Variants in CAVIN1 observed in about 807,000 individuals in gnomAD.
The protein encoded by CAVIN1 is caveolae-associated protein 1.
CAVIN1 carries 16 observed loss-of-function variants against 24.0 expected under a neutral mutation model. That is an observed-to-expected ratio of 0.67 (90% CI 0.45 to 1.01). CAVIN1 has a LOEUF of 1.01. Ranked by LOEUF, CAVIN1 falls within the 50% of genes least tolerant of loss-of-function variation. CAVIN1 has a pLI of 0.00. For missense variants in CAVIN1, 510 were observed against 551.7 expected, an observed-to-expected ratio of 0.92 and a Z score of 0.76; for synonymous variants, 256 against 256.4, an observed-to-expected ratio of 1.00 and a Z score of 0.02.
At chr17:42,407,147 C>G (rs1419461072) in intron 1 of CAVIN1, among the ~76,000 whole-genome samples, 1 of 152,008 alleles carries the variant, frequency 6.6e-6, no homozygotes, top group Non-Finnish European at 1.5e-5. Context: ...CTGGATCACT[C>G]CCTCCCCCAC....
chr17:42,421,197 G>A (rs2085542968), intron 1 of CAVIN1, among the ~76,000 whole-genome samples: 3 of 152,086 alleles, frequency 2.0e-5, no homozygotes. Flanking sequence ...ATAGGTACCA[G>A]CTGACCCACC....
At chr17:42,416,041 A>G (rs2085509757) in intron 1 of CAVIN1, among the ~76,000 whole-genome samples, 1 of 152,170 alleles carries the variant, frequency 6.6e-6, no homozygotes, top group South Asian at 2.1e-4. Context: ...CAGGAATTCG[A>G]GACCAGCCTA....
At chr17:42,407,903 T>C (rs1436987883) in intron 1 of CAVIN1, among the ~76,000 whole-genome samples, 1 of 152,138 alleles carries the variant, frequency 6.6e-6, no homozygotes, top group Non-Finnish European at 1.5e-5. Flanking sequence ...TTGGGGCTCC[T>C]ACAATCACCC....
At chr17:42,414,684 A>G (rs1301950844) in intron 1 of CAVIN1, among the ~76,000 whole-genome samples, 6 of 152,074 alleles carry the variant, frequency 3.9e-5, no homozygotes, top group Non-Finnish European at 8.8e-5. Flanking sequence ...GGCGAGAGGG[A>G]CACTTGGCGG....
intron 1 of CAVIN1, among the ~76,000 whole-genome samples, chr17:42,408,972 G>T (rs1360465180): frequency 6.6e-6 from 1 of 150,518 alleles, no homozygotes; most frequent in Admixed American, 6.6e-5. Context: ...TGTATTTTTT[G>T]GTAGAGACAG....
intron 1 of CAVIN1, among the ~76,000 whole-genome samples, chr17:42,409,762 G>T (rs2085465210): frequency 6.6e-6 from 1 of 151,986 alleles, no homozygotes; most frequent in South Asian, 2.1e-4. Flanking sequence ...CACAGGCCAG[G>T]CACCCTTGTC....
At chr17:42,407,803 C>T (rs1431758077) in intron 1 of CAVIN1, among the ~76,000 whole-genome samples, 1 of 152,182 alleles carries the variant, frequency 6.6e-6, no homozygotes, top group Non-Finnish European at 1.5e-5. Context: ...TCTTATCATT[C>T]ACTGAGGCAT....
intron 1 of CAVIN1, among the ~76,000 whole-genome samples, chr17:42,413,018 G>A (rs1326296675): frequency 6.6e-6 from 1 of 150,478 alleles, no homozygotes; most frequent in African/African-American, 2.4e-5. Flanking sequence ...CGCAACCTCC[G>A]CCTCCTGGGT....
In CAVIN1 at chr17:42,422,597, C is replaced by A. The variant is rs1393528216; in HGVS notation, c.471+30G>T. The A allele has an allele frequency of 4.6e-6, 7 of 1,526,838 alleles. No homozygotes were observed. In the East Asian group the frequency reaches 1.7e-4, roughly 37 times the overall value. 94.6% of individuals were successfully genotyped at this position (1,526,838 alleles called of 1,614,324 possible). ...AGGGGACGCGGGCCGGGCGCGGGAGCTCTGGGCGCCTTCCGCCCTGTGGGC... is the reference window on the plus strand; with the variant it reads ...AGGGGACGCGGGCCGGGCGCGGGAGATCTGGGCGCCTTCCGCCCTGTGGGC... On this transcript the variant is annotated intron_variant, in intron 1 of 1. Coordinates refer to ENST00000357037, the MANE Select transcript of CAVIN1 (RefSeq NM_012232.6).
chr17:42,419,281 T>C (rs1329452729), intron 1 of CAVIN1, among the ~76,000 whole-genome samples: 2 of 151,486 alleles, frequency 1.3e-5, no homozygotes, highest in Admixed American at 6.6e-5. Context: ...CTCATCTGCA[T>C]GGCATTTTAT....
At chr17:42,411,773 T>C in intron 1 of CAVIN1, 1 of 985,370 alleles carries the variant, frequency 1.0e-6, no homozygotes, top group Non-Finnish European at 1.2e-6. Context: ...TAGGCAGCCT[T>C]CGGGTGCAGC....
intron 1 of CAVIN1, among the ~76,000 whole-genome samples, chr17:42,406,386 T>C (rs1309377680): frequency 6.6e-6 from 1 of 151,728 alleles, no homozygotes; most frequent in Non-Finnish European, 1.5e-5. Flanking sequence ...TTTTTTTTTT[T>C]TTTTTTGAGA....
At chr17:42,405,694 T>TTG (rs796185401) in intron 1 of CAVIN1, among the ~76,000 whole-genome samples, 9 of 83,978 alleles carry the variant, frequency 1.1e-4, no homozygotes, top group South Asian at 5.5e-4. Context: ...TTTTTTTTTT[T>TTG]TTTTTTTTTT....
intron 1 of CAVIN1, among the ~76,000 whole-genome samples, chr17:42,406,299 G>T (rs1567776911): frequency 6.6e-6 from 1 of 152,172 alleles, no homozygotes; most frequent in East Asian, 1.9e-4. Context: ...GCGGGTAGGG[G>T]TTTGAGCCCA....
chr17:42,406,696 G>C lies in CAVIN1; in HGVS notation c.472-1308C>G, dbSNP rs145530805. On this transcript the variant is annotated intron_variant, in intron 1 of 1. Transcript: ENST00000357037. ...CTGGCCTCAAGCTATTTCAGAACCAGCCTTAGAGATGGAGAACTGTGGTCC... is the reference window on the plus strand; with the variant it reads ...CTGGCCTCAAGCTATTTCAGAACCACCCTTAGAGATGGAGAACTGTGGTCC... Among the ~76,000 whole-genome samples, 1,031 of 152,194 alleles carry C rather than the reference G, an allele frequency of 6.8e-3. 17 individuals carry two copies. Among genetic ancestry groups the C allele is most frequent in the African/African-American group, 0.023 (972 of 41,514 alleles).
intron 1 of CAVIN1, among the ~76,000 whole-genome samples, chr17:42,420,314 C>T (rs368925926): frequency 1.3e-5 from 2 of 152,366 alleles, no homozygotes; most frequent in South Asian, 2.1e-4. Flanking sequence ...ATTTTTACCT[C>T]CTTCCCTTCT....
At chr17:42,410,004 G>A (rs1188010377) in intron 1 of CAVIN1, among the ~76,000 whole-genome samples, 1 of 152,136 alleles carries the variant, frequency 6.6e-6, no homozygotes, top group Admixed American at 6.6e-5. Flanking sequence ...GGATGCAGAG[G>A]AGCCACAGGG....
chr17:42,417,224 C>A (rs2085517384), intron 1 of CAVIN1, among the ~76,000 whole-genome samples: 1 of 152,076 alleles, frequency 6.6e-6, no homozygotes, highest in Non-Finnish European at 1.5e-5. Context: ...GAGGCCAAGG[C>A]AGGTGGATTG....
intron 1 of CAVIN1, among the ~76,000 whole-genome samples, chr17:42,415,998 T>C (rs1299061713): frequency 8.5e-5 from 13 of 152,184 alleles, no homozygotes; most frequent in Admixed American, 8.5e-4. Flanking sequence ...CCCCAGCACT[T>C]TGGGCGGCCA....
Sources: gnomAD v4.1 joint callset for allele counts (sites outside exome capture counted in the v4.1 genomes callset) on GRCh38, gnomAD v4.1.1 for gene constraint, MANE v1.5 for transcripts, NCBI Gene and HGNC (gene_info 2026-07-23, HGNC 2026-07-21) for gene names.